The following GALK1 variants were observed in gnomAD, a reference collection of about 807,000 sequenced individuals.
GALK1 encodes the protein galactokinase.
GALK1 carries 30 observed loss-of-function variants against 38.6 expected under a neutral mutation model. The ratio of observed to expected loss-of-function variants is 0.78; its 90% confidence interval spans 0.58 to 1.05. The LOEUF is 1.05. Among genes scored for constraint, GALK1 ranks in the 50% least tolerant of loss-of-function variants. The pLI is 0.00. For missense variants in GALK1, 512 were observed against 540.5 expected, an observed-to-expected ratio of 0.95 and a Z score of 0.52; for synonymous variants, 240 against 233.6, an observed-to-expected ratio of 1.03 and a Z score of -0.25.
chr17:75,756,397 C>T, downstream of GALK1: 1 of 1,610,494 alleles, frequency 6.2e-7, no homozygotes, highest in Non-Finnish European at 8.5e-7. Context: ...AGTAACACTG[C>T]ACTACTGTGT....
downstream of GALK1, chr17:75,757,813 C>T (rs905404770): frequency 4.6e-6 from 3 of 658,882 alleles, no homozygotes; most frequent in Non-Finnish European, 7.9e-6. Flanking sequence ...GGTTTTGCTA[C>T]TGCTAGGCCC....
intron 5 of GALK1, among the ~76,000 whole-genome samples, chr17:75,761,488 G>A (rs1490182516): frequency 6.7e-6 from 1 of 149,382 alleles, no homozygotes; most frequent in Admixed American, 6.7e-5. Context: ...GTGGTGGTGG[G>A]TGCCAGTAAT....
At chr17:75,757,366 G>A (rs139796235), downstream of GALK1, 211 of 1,612,888 alleles carry the variant, frequency 1.3e-4, 1 homozygote, top group East Asian at 4.6e-3. Flanking sequence ...GCTAGCAGAG[G>A]GAGAAGGGCA....
At position 75,763,888 on chromosome 17, in the gene GALK1, GC is replaced by G. The variant is rs775197472; in HGVS notation, c.355+8del. 1.2e-6 allele frequency: 2 copies of G among 1,613,300 alleles called. No individual in the cohort carries two copies. The highest frequency in any genetic ancestry group is 2.2e-5 in the South Asian group (2 of 91,000). On this transcript the variant is annotated splice_region_variant and intron_variant, in intron 2 of 7. Transcript: ENST00000588479. ...CAGTGAGGACTTGGCTCAGGCCTGGGCCCCATACCTGGGTAGTACTGAATCA... is the reference window on the plus strand; with the variant it reads ...CAGTGAGGACTTGGCTCAGGCCTGGGCCCATACCTGGGTAGTACTGAATCA...
At chr17:75,761,662 T>C (rs1440112901) in intron 5 of GALK1, among the ~76,000 whole-genome samples, 1 of 139,046 alleles carries the variant, frequency 7.2e-6, no homozygotes. Context: ...CACCGAGATA[T>C]GCCTTTCATG....
downstream of GALK1, chr17:75,757,367 G>A (rs1272015545): frequency 6.2e-7 from 1 of 1,612,890 alleles, no homozygotes; most frequent in East Asian, 2.2e-5. Context: ...CTAGCAGAGG[G>A]AGAAGGGCAG....
At chr17:75,756,980 C>T (rs150804109), downstream of GALK1, 176 of 1,612,788 alleles carry the variant, frequency 1.1e-4, no homozygotes, top group African/African-American at 2.0e-3. Flanking sequence ...GAGACAGCCC[C>T]GAGAGCCGGC....
chr17:75,755,054 G>A, downstream of GALK1: 1 of 1,596,186 alleles, frequency 6.3e-7, no homozygotes, highest in Non-Finnish European at 8.5e-7. Flanking sequence ...TCCTGCCCTA[G>A]GCCTCCCTCC....
intron 8 of GALK1, chr17:75,751,933 C>A (rs1004369094): frequency 3.4e-6 from 2 of 583,476 alleles, no homozygotes; most frequent in South Asian, 3.7e-5. Flanking sequence ...CAACTTGAGT[C>A]CAGCCCTGGC....
chr17:75,764,555 A>C (rs755523384), intron 1 of GALK1: 7 of 464,318 alleles, frequency 1.5e-5, no homozygotes, highest in Non-Finnish European at 2.6e-5. Context: ...TCTAGGCCTC[A>C]GTTTCCTCCT....
At chr17:75,752,118 G>T in intron 8 of GALK1, 1 of 1,567,656 alleles carries the variant, frequency 6.4e-7, no homozygotes, top group Non-Finnish European at 8.8e-7. Flanking sequence ...GTCAGGGGTG[G>T]TGTTGGGACC....
intron 5 of GALK1, among the ~76,000 whole-genome samples, chr17:75,761,155 T>C (rs2061585625): frequency 6.6e-6 from 1 of 151,724 alleles, no homozygotes; most frequent in African/African-American, 2.4e-5. Flanking sequence ...TGAGCCGAGA[T>C]CGTGCCACTG....
At chr17:75,752,021 C>T (rs1484820413) in intron 8 of GALK1, among the ~76,000 whole-genome samples, 8 of 152,188 alleles carry the variant, frequency 5.3e-5, no homozygotes, top group Admixed American at 4.6e-4. Flanking sequence ...CTCAGGGCTC[C>T]GCAGGCGGCA....
At position 75,765,183 on chromosome 17, in the gene GALK1, G is replaced by A. The variant is rs957997047; in HGVS notation, c.-47C>T. 7.2e-6 allele frequency: 10 copies of A among 1,383,450 alleles called. No individual in the cohort carries two copies. The highest frequency in any genetic ancestry group is 3.0e-5 in the East Asian group (1 of 32,970). The allele number at this position is 1,383,450 out of a possible 1,614,324, so 85.7% of individuals were successfully genotyped here. ...ACAGCTGCTCCGGCACAGCCCCGTC[G>A]GCGCGGGATGCTCGGGCGGGGCCCC... is the stretch of plus-strand genomic sequence containing the variant. On this transcript the variant is annotated 5_prime_UTR_variant, in exon 1 of 8. Coordinates refer to ENST00000588479, the MANE Select transcript of GALK1 (RefSeq NM_000154.2).
downstream of GALK1, chr17:75,755,829 G>C: frequency 2.5e-6 from 4 of 1,606,918 alleles, no homozygotes; most frequent in Non-Finnish European, 3.4e-6. Context: ...CTACAGTGTG[G>C]AGTACCAGCT....
intron 1 of GALK1, 168 bp from the exon 2 acceptor site, chr17:75,764,254 G>T: frequency 1.3e-6 from 1 of 790,612 alleles, no homozygotes; most frequent in Middle Eastern, 2.3e-4. Flanking sequence ...TTGGGGGCTT[G>T]AGCCCTGCCC....
chr17:75,763,232 A>T (rs994937759), intron 3 of GALK1, 83 bp from the exon 4 acceptor site: 1 of 1,609,782 alleles, frequency 6.2e-7, no homozygotes. Context: ...AGTCCCTGCC[A>T]CCCCCTCCAT....
Position 75,758,524 on chromosome 17 carries a change from T to C in GALK1, c.869A>G (p.Gln290Arg). 2 of 1,589,782 alleles carry C rather than the reference T, an allele frequency of 1.3e-6. No homozygotes were observed. The highest frequency in any genetic ancestry group is 1.1e-5 in the South Asian group (1 of 88,188). The part of the protein sequence containing the change: ...HVVGEIRRTA[Q>R]AAAALRRGDY... ...GCCACGTCTCAGGGCGGCCGCTGCC[T>C]GGGCCGTGCGCCGAATCTCCCCCAC... Residue 290 changes from glutamine (Q) to arginine (R), a missense_variant, in exon 6 of 8, where the codon CAG (glutamine) becomes CGG (arginine). Gln to Arg is a conservative substitution (Grantham distance 43, BLOSUM62 1). Coordinates refer to ENST00000588479, the MANE Select transcript of GALK1 (RefSeq NM_000154.2).
At chr17:75,764,338 G>A (rs371719601) in intron 1 of GALK1, 1 of 735,298 alleles carries the variant, frequency 1.4e-6, no homozygotes, top group Non-Finnish European at 2.5e-6. Flanking sequence ...GTGGGGCAAG[G>A]GGGAGAGCTA....
Sources: allele counts gnomAD v4.1 joint callset (sites outside exome capture counted in the v4.1 genomes callset), GRCh38; gene constraint gnomAD v4.1.1; transcripts MANE v1.5; gene names NCBI Gene and HGNC (gene_info 2026-07-23, HGNC 2026-07-21).